SDK1: variants seen among roughly 807,000 people sequenced by gnomAD.
The protein encoded by SDK1 is protein sidekick-1.
SDK1 carries 157 observed loss-of-function variants against 245.5 expected under a neutral mutation model. The observed-to-expected ratio is 0.64, with a 90% CI of 0.56 to 0.73. The LOEUF (loss-of-function observed/expected upper bound fraction) is 0.73. Ranked by LOEUF, SDK1 falls within the 30% of genes least tolerant of loss-of-function variation. The probability of loss-of-function intolerance (pLI) is 0.00; values close to 1 mark genes in which losing one functional copy is unlikely to be tolerated. For missense variants in SDK1, 3,583 were observed against 3,002.3 expected, an observed-to-expected ratio of 1.19 and a Z score of -4.52; for synonymous variants, 1,647 against 1,278.5, an observed-to-expected ratio of 1.29 and a Z score of -6.15.
chr7:3,314,497 A>G (rs1268134428), intron 1 of SDK1, among the ~76,000 whole-genome samples: 1 of 152,234 alleles, frequency 6.6e-6, no homozygotes, highest in Non-Finnish European at 1.5e-5. Flanking sequence ...CAAGTGGTTG[A>G]GATGGAGCAG....
intron 1 of SDK1, among the ~76,000 whole-genome samples, chr7:3,597,444 CA>C (rs2128637560): frequency 6.6e-6 from 1 of 152,178 alleles, no homozygotes; most frequent in South Asian, 2.1e-4. Context: ...AATAGCAGAA[CA>C]GTGGGTTTTG....
In SDK1 at chr7:3,915,676, G is replaced by A. The variant is rs141175017; in HGVS notation, c.848-35247G>A. On this transcript the variant is annotated intron_variant, in intron 5 of 44. Transcript: ENST00000404826. ...GTGTCTTTATTAGCAGCGTGAGAAT[G>A]AGCTAATACATACACTAACCAAGCA... Among the ~76,000 whole-genome samples, 1,105 of 152,232 alleles carry A rather than the reference G, an allele frequency of 7.3e-3. 10 individuals are homozygous for A. The highest frequency in any genetic ancestry group is 0.024 in the Middle Eastern group (7 of 294).
intron 1 of SDK1, among the ~76,000 whole-genome samples, chr7:3,591,540 A>G (rs1386447197): frequency 5.3e-5 from 8 of 152,262 alleles, no homozygotes; most frequent in African/African-American, 1.7e-4. Flanking sequence ...ATTGACATTC[A>G]GAAAAACAAA....
intron 2 of SDK1, among the ~76,000 whole-genome samples, chr7:3,623,818 C>G (rs796938229): frequency 1.8e-4 from 27 of 152,262 alleles, no homozygotes; most frequent in African/African-American, 6.3e-4. Flanking sequence ...TAATTGTATA[C>G]TCTAAACTCC....
intron 5 of SDK1, among the ~76,000 whole-genome samples, chr7:3,945,590 G>A (rs1288764564): frequency 6.6e-6 from 1 of 152,056 alleles, no homozygotes; most frequent in Non-Finnish European, 1.5e-5. Context: ...ACATCCAAAA[G>A]ACCAGTTAGA....
At position 4,265,650 on chromosome 7, in the gene SDK1, T is replaced by G; in HGVS notation, c.*266T>G. On this transcript the variant is annotated 3_prime_UTR_variant, in exon 45 of 45. Transcript: ENST00000404826. The stretch of plus-strand genomic sequence containing the variant: ...AGGTGTATTTCACTGGTGCAATGGC[T>G]TGGCACCTCCGGGGCCTGGGAGGAC... 1 of 1,253,766 alleles carries G rather than the reference T, an allele frequency of 8.0e-7. No homozygotes were observed. Among genetic ancestry groups the G allele is most frequent in the South Asian group, 2.5e-5 (1 of 40,068 alleles). The allele number at this position is 1,253,766 out of a possible 1,614,324, so 77.7% of individuals were successfully genotyped here.
At chr7:3,795,702 A>C (rs1778945705) in intron 4 of SDK1, among the ~76,000 whole-genome samples, 3 of 152,102 alleles carry the variant, frequency 2.0e-5, no homozygotes, top group African/African-American at 7.2e-5. Context: ...CAGATACCTG[A>C]CTTAAAATGT....
Position 3,619,147 on chromosome 7 carries a change from T to C in SDK1, c.366T>C (p.Leu122=). 1.9e-6 allele frequency: 3 copies of C among 1,614,122 alleles called. No individual in the cohort carries two copies. Among genetic ancestry groups the C allele is most frequent in the Non-Finnish European group, 2.5e-6 (3 of 1,179,980 alleles). The change falls in exon 2 of 45, where the codon CTT becomes CTC. Residue 122 remains leucine (L), a synonymous_variant. Transcript: ENST00000404826. ...AGATCCACCTGGAAGGGAACCGCCT[T>C]GTTCTCACCTGCCTTGCCGAAGGGA... ...LPQIHLEGNR[L]VLTCLAEGSW... is the part of the protein sequence containing the mutation.
chr7:4,095,930 C>G (rs978122519), intron 22 of SDK1, among the ~76,000 whole-genome samples: 9 of 152,194 alleles, frequency 5.9e-5, no homozygotes, highest in African/African-American at 2.2e-4. Context: ...TGAAGGAACT[C>G]AAGATTTTTC....
intron 8 of SDK1, among the ~76,000 whole-genome samples, chr7:3,960,268 G>A (rs945660083): frequency 6.6e-6 from 1 of 152,214 alleles, no homozygotes; most frequent in African/African-American, 2.4e-5. Context: ...TGTGTGGCCT[G>A]TGGAAGTTAC....
chr7:3,828,655 TTTTTTTTTTTG>T (rs530474142), intron 5 of SDK1, among the ~76,000 whole-genome samples: 27 of 23,704 alleles, frequency 1.1e-3, no homozygotes, highest in South Asian at 8.1e-3. Flanking sequence ...TGTTCTTTTT[TTTTTTTTTTTG>T]TTTTTTTGAC....
chr7:3,942,012 C>T (rs1490443175), intron 5 of SDK1, among the ~76,000 whole-genome samples: 1 of 151,546 alleles, frequency 6.6e-6, no homozygotes, highest in Non-Finnish European at 1.5e-5. Context: ...AGGTTCATGC[C>T]ATTCTCCTGC....
intron 16 of SDK1, among the ~76,000 whole-genome samples, chr7:4,016,390 A>C (rs1288630597): frequency 6.6e-6 from 1 of 152,204 alleles, no homozygotes; most frequent in Admixed American, 6.5e-5. Flanking sequence ...AAGCTCAATA[A>C]ATTACCTGAG....
Position 3,677,160 on chromosome 7 carries a change from A to C in SDK1, c.713+35055A>C, listed in dbSNP as rs905069254. Among the ~76,000 whole-genome samples, 4 of 150,844 alleles carry C rather than the reference A, an allele frequency of 2.7e-5. No homozygotes were observed. The East Asian group carries it at 5.8e-4, about 22-fold the overall frequency. On this transcript the variant is annotated intron_variant, in intron 4 of 44. Transcript: ENST00000404826. ...CCTACTTAAACCCTTGGAATTTCCA[A>C]CTCTCCCACAGGGATTCTGCTCTGT...
chr7:3,983,962 C>G (rs371165085), intron 13 of SDK1, among the ~76,000 whole-genome samples: 12 of 152,306 alleles, frequency 7.9e-5, no homozygotes, highest in African/African-American at 2.9e-4. Context: ...GCGGGTAGCT[C>G]TTGCCGCCTA....
chr7:3,931,220 T>G (rs547640819), intron 5 of SDK1, among the ~76,000 whole-genome samples: 4 of 152,312 alleles, frequency 2.6e-5, no homozygotes, highest in South Asian at 2.1e-4. Flanking sequence ...AACCAGAGCT[T>G]CTCAAATGAG....
At chr7:3,739,177 GTTCTT>G (rs1779406087) in intron 4 of SDK1, among the ~76,000 whole-genome samples, 1 of 151,982 alleles carries the variant, frequency 6.6e-6, no homozygotes, top group Non-Finnish European at 1.5e-5. Context: ...CTTATTTGCT[GTTCTT>G]TTCTTGACAA....
intron 4 of SDK1, among the ~76,000 whole-genome samples, chr7:3,726,081 C>T (rs1412956184): frequency 6.6e-6 from 1 of 152,190 alleles, no homozygotes; most frequent in Non-Finnish European, 1.5e-5. Context: ...ATGTTCTTTC[C>T]TCACAGCCTC....
At chr7:3,412,275 G>A (rs897167668) in intron 1 of SDK1, among the ~76,000 whole-genome samples, 1 of 152,116 alleles carries the variant, frequency 6.6e-6, no homozygotes, top group Non-Finnish European at 1.5e-5. Context: ...GAGTCACTGT[G>A]CATAATTACA....
Sources: gnomAD v4.1 joint callset for allele counts (sites outside exome capture counted in the v4.1 genomes callset) on GRCh38, gnomAD v4.1.1 for gene constraint, MANE v1.5 for transcripts, NCBI Gene and HGNC (gene_info 2026-07-23, HGNC 2026-07-21) for gene names.